Variants in GRAMD4 observed in about 807,000 individuals in gnomAD.
GRAMD4 encodes the protein GRAM domain containing 4.
In GRAMD4, 25 loss-of-function variants were observed where a neutral mutation model predicts 83.9. That is an observed-to-expected ratio of 0.30 (90% CI 0.22 to 0.42). The LOEUF is 0.42. GRAMD4 is among the 10% of genes least tolerant of loss of function. The pLI is 1.00. For missense variants in GRAMD4, 593 were observed against 788.7 expected (o/e 0.75, Z 2.97); for synonymous variants, 336 against 320.9 (o/e 1.05, Z -0.50).
At chr22:46,609,477 G>A (rs2147084436) in intron 1 of GRAMD4, among the ~76,000 whole-genome samples, 1 of 152,358 alleles carries the variant, frequency 6.6e-6, no homozygotes, top group African/African-American at 2.4e-5. Flanking sequence ...TAGTGGTTTG[G>A]AGGTACACAA....
At chr22:46,619,873 A>G (rs751179123), upstream of GRAMD4, among the ~76,000 whole-genome samples, 9 of 152,092 alleles carry the variant, frequency 5.9e-5, no homozygotes, top group Non-Finnish European at 7.4e-5. Context: ...GTCGCTCAAC[A>G]TCTGCGAGTC....
intron 8 of GRAMD4, among the ~76,000 whole-genome samples, chr22:46,664,681 G>A (rs551256665): frequency 6.6e-5 from 10 of 152,322 alleles, no homozygotes; most frequent in African/African-American, 1.2e-4. Context: ...CTTGGTCCTC[G>A]GGGGGAGCCC....
upstream of GRAMD4, among the ~76,000 whole-genome samples, chr22:46,616,030 C>T (rs531887416): frequency 1.8e-3 from 58 of 31,708 alleles, no homozygotes; most frequent in African/African-American, 5.2e-3. Flanking sequence ...GTGTTGGTTC[C>T]CCCATGTGTA....
At chr22:46,626,258 G>A (rs989642245) in intron 1 of GRAMD4, among the ~76,000 whole-genome samples, 1 of 152,242 alleles carries the variant, frequency 6.6e-6, no homozygotes, top group African/African-American at 2.4e-5. Flanking sequence ...CCGTCCTGGT[G>A]GTGTATGTGG....
intron 14 of GRAMD4, 69 bp downstream of exon 14, chr22:46,673,066 C>T: frequency 7.7e-7 from 1 of 1,291,940 alleles, no homozygotes; most frequent in South Asian, 1.4e-5. Context: ...CCCAGGCCCA[C>T]AGTGCTCTGT....
At chr22:46,679,875 G>A (rs148676149), downstream of GRAMD4, 23,354 of 773,632 alleles carry the variant, frequency 0.03, 405 homozygotes, top group Non-Finnish European at 0.034. Context: ...CCTCAGTGCC[G>A]CTGCCAGCCC....
chr22:46,620,427 C>T lies in GRAMD4; in HGVS notation c.-188C>T, dbSNP rs923004633. The stretch of plus-strand genomic sequence containing the variant: ...CTCCAGGCTCCAGGGCAGCAGACAC[C>T]ACCCTCTCCGTGCCTGCTGGTGTTG... On this transcript the variant is annotated 5_prime_UTR_variant, in exon 1 of 19. Coordinates refer to ENST00000406902, the MANE Select transcript of GRAMD4 (RefSeq NM_015124.5). The surrounding 1 kb of genome is among the most constrained non-coding windows in gnomAD (Gnocchi z 4.7). 122 of 985,178 alleles carry T rather than the reference C, an allele frequency of 1.2e-4. 1 individual carries two copies. The highest frequency in any genetic ancestry group is 1.4e-4 in the Non-Finnish European group (118 of 829,878). The allele number at this position is 985,178 out of a possible 1,614,324, so 61.0% of individuals were successfully genotyped here.
rs768008281 is a variant in GRAMD4, at chr22:46,665,622, T to C, written c.725T>C (p.Met242Thr). 4 of 1,582,964 alleles carry C rather than the reference T, an allele frequency of 2.5e-6. No individual in the cohort carries two copies. The highest frequency in any genetic ancestry group is 1.7e-6 in the Non-Finnish European group (2 of 1,152,638). ...YTSAIAFTVY[M>T]NAVWHGWAIP... Reference sequence around the variant, plus strand: ...CCTGTCTCTCACCCGCAGGTGTACATGAATGCCGTGTGGCATGGCTGGGCC... The same window carrying C: ...CCTGTCTCTCACCCGCAGGTGTACACGAATGCCGTGTGGCATGGCTGGGCC... Residue 242 changes from methionine (M) to threonine (T), a missense_variant, in exon 9 of 19, where the codon ATG becomes ACG. Coordinates refer to ENST00000406902, the MANE Select transcript of GRAMD4 (RefSeq NM_015124.5).
intron 1 of GRAMD4, among the ~76,000 whole-genome samples, chr22:46,610,499 C>A (rs1246010562): frequency 1.3e-5 from 2 of 152,258 alleles, no homozygotes; most frequent in African/African-American, 2.4e-5. Flanking sequence ...GTGTGGCCTG[C>A]TGGGCTGAAG....
In GRAMD4 at chr22:46,677,066, G is replaced by A. The variant is rs940820171; in HGVS notation, c.1633-81G>A. ...GTGACTAGCGTGCTGGCCTGGGGCT[G>A]GTGTTGGACTTCGTCTCGGTCCTGG... On this transcript the variant is annotated intron_variant, in intron 18 of 18. Transcript: ENST00000406902. 3.3e-6 allele frequency: 5 copies of A among 1,537,798 alleles called. No homozygotes were observed. The Admixed American group carries it at 9.2e-5, about 28-fold the overall frequency.
At chr22:46,587,875 G>T in intron 1 of GRAMD4, 17 of 984,014 alleles carry the variant, frequency 1.7e-5, no homozygotes, top group Non-Finnish European at 2.1e-5. Flanking sequence ...CGGGCGTCGG[G>T]GTGGGGCCGC....
chr22:46,675,381 TGA>T (rs1418437753), intron 16 of GRAMD4, 85 bp from the exon 17 acceptor site: 1 of 870,056 alleles, frequency 1.1e-6, no homozygotes, highest in Non-Finnish European at 2.0e-6. Context: ...CACTGGGGGC[TGA>T]GAGGCAGCCC....
At chr22:46,616,862 G>A (rs1264270478), upstream of GRAMD4, among the ~76,000 whole-genome samples, 2 of 20,656 alleles carry the variant, frequency 9.7e-5, no homozygotes, top group African/African-American at 3.1e-4. Context: ...CTGTGTGTAG[G>A]TTCCCCCGTG....
chr22:46,611,122 A>G (rs2081412490), intron 1 of GRAMD4, among the ~76,000 whole-genome samples: 1 of 151,894 alleles, frequency 6.6e-6, no homozygotes, highest in African/African-American at 2.4e-5. Context: ...AGGCTGAGGC[A>G]GGGGAATCAT....
At chr22:46,606,868 T>C (rs1428828776) in intron 1 of GRAMD4, among the ~76,000 whole-genome samples, 3 of 152,254 alleles carry the variant, frequency 2.0e-5, no homozygotes, top group Non-Finnish European at 4.4e-5. Context: ...TGCTTTCAGC[T>C]CTTTGGATTA....
At chr22:46,577,251 G>A in exon 1 of GRAMD4, 1 of 977,744 alleles carries the variant, frequency 1.0e-6, no homozygotes, top group Non-Finnish European at 1.2e-6. Context: ...GGGGGGCGCC[G>A]CGGCGGGTGG....
intron 13 of GRAMD4, among the ~76,000 whole-genome samples, chr22:46,671,765 G>C (rs1186100704): frequency 6.7e-6 from 1 of 148,692 alleles, no homozygotes; most frequent in Non-Finnish European, 1.5e-5. Context: ...GCTTGAACCC[G>C]GGAGGTTGCA....
chr22:46,582,553 G>A (rs1362891422), intron 1 of GRAMD4, among the ~76,000 whole-genome samples: 1 of 152,148 alleles, frequency 6.6e-6, no homozygotes, highest in East Asian at 1.9e-4. Flanking sequence ...GAAGTTAGGG[G>A]TCTCTGCTCA....
At chr22:46,649,158 C>T (rs896768274) in intron 3 of GRAMD4, among the ~76,000 whole-genome samples, 1 of 152,226 alleles carries the variant, frequency 6.6e-6, no homozygotes, top group African/African-American at 2.4e-5. Context: ...CTTCCTAGTG[C>T]TTTGGGGCCT....
Sources: gnomAD v4.1 joint callset for allele counts (sites outside exome capture counted in the v4.1 genomes callset) on GRCh38, gnomAD v4.1.1 for gene constraint, Gnocchi (gnomAD v3.1) non-coding constraint, MANE v1.5 for transcripts, NCBI Gene and HGNC (gene_info 2026-07-23, HGNC 2026-07-21) for gene names.